Variants in GSG1L observed in about 807,000 individuals in gnomAD.
GSG1L encodes the protein GSG1 like, also known as germ cell-specific gene 1-like protein.
GSG1L carries 24 observed loss-of-function variants against 42.1 expected under a neutral mutation model. The observed-to-expected ratio is 0.57, with a 90% CI of 0.41 to 0.80. The LOEUF is 0.80. Ranked by LOEUF, GSG1L falls within the 30% of genes least tolerant of loss-of-function variation. The pLI, the probability that GSG1L is intolerant of heterozygous loss-of-function variation, is 0.00. For synonymous variants in GSG1L, 215 were observed against 203.5 expected (o/e 1.06, Z -0.48); for missense variants, 445 against 472.2 (o/e 0.94, Z 0.53).
rs140963546 is a variant in GSG1L, at chr16:27,933,596, C to T, written c.397+29560G>A. On this transcript the variant is annotated intron_variant, in intron 2 of 6. Transcript: ENST00000447459. ...TCCAGGAGTTCTAGGTTACAGTGAG[C>T]TATGATCATACTACTGCACTCCAGC... Among the ~76,000 whole-genome samples the T allele has an allele frequency of 9.8e-3, 1,342 of 136,638 alleles. 14 individuals carry two copies. The highest frequency in any genetic ancestry group is 0.016 in the Non-Finnish European group (1,065 of 65,904). The allele number at this position is 136,638 out of a possible 152,430, so 89.6% of individuals were successfully genotyped here. A position where few individuals can be genotyped will look rare whatever the true frequency, so the allele number is the denominator to read the frequency against.
In GSG1L at chr16:27,828,660, CT is replaced by C. The variant is rs1325494367; in HGVS notation, c.830+128del. 3 of 831,966 alleles carry C rather than the reference CT, an allele frequency of 3.6e-6. No homozygotes were observed. The Admixed American group carries it at 7.5e-5, about 21-fold the overall frequency. 51.5% of individuals were successfully genotyped at this position (831,966 alleles called of 1,614,324 possible). ...GCGTCCAAACTCTGCCTTCTTCTGC[CT>C]CCCCCCTCCATAACCCCTCTGTCAT... On this transcript the variant is annotated intron_variant, in intron 5 of 6. Transcript: ENST00000447459.
chr16:27,819,679 A>C (rs1007158278), intron 5 of GSG1L, among the ~76,000 whole-genome samples: 4 of 152,188 alleles, frequency 2.6e-5, no homozygotes, highest in African/African-American at 7.2e-5. Context: ...TGCTGCATGC[A>C]GGGCAAGGGG....
chr16:27,980,158 A>C (rs2085310086), intron 1 of GSG1L, among the ~76,000 whole-genome samples: 1 of 152,168 alleles, frequency 6.6e-6, no homozygotes, highest in South Asian at 2.1e-4. Context: ...GCAGATGCCC[A>C]ATGCTGGCAG....
chr16:27,858,483 C>T (rs1271563628), intron 3 of GSG1L, among the ~76,000 whole-genome samples: 2 of 152,198 alleles, frequency 1.3e-5, no homozygotes, highest in Non-Finnish European at 2.9e-5. Context: ...TTTTACCATT[C>T]CATCACAGTC....
intron 5 of GSG1L, among the ~76,000 whole-genome samples, chr16:27,825,071 C>T (rs892679667): frequency 6.6e-6 from 1 of 152,162 alleles, no homozygotes; most frequent in Non-Finnish European, 1.5e-5. Flanking sequence ...TGACCTACAC[C>T]GAGCAATCAC....
intron 1 of GSG1L, among the ~76,000 whole-genome samples, chr16:27,989,457 G>A (rs900081049): frequency 3.3e-5 from 5 of 151,802 alleles, no homozygotes; most frequent in East Asian, 1.9e-4. Flanking sequence ...AAAATTATAC[G>A]GACCAGGAGC....
At chr16:27,890,000 T>A (rs556911225) in intron 2 of GSG1L, among the ~76,000 whole-genome samples, 59 of 152,106 alleles carry the variant, frequency 3.9e-4, no homozygotes, top group Non-Finnish European at 4.0e-4. Context: ...AGTGGCATAG[T>A]CTAGATTCAA....
At chr16:27,828,718 G>T in intron 5 of GSG1L, 71 bp downstream of exon 5, 1 of 1,455,176 alleles carries the variant, frequency 6.9e-7, no homozygotes, top group Non-Finnish European at 9.4e-7. Flanking sequence ...CTGGGGCCCG[G>T]TGGCCACTGA....
At position 28,063,048 on chromosome 16, in the gene GSG1L, G is replaced by T; in HGVS notation, c.349+28C>A. ...GCGCCGCCCCGGGGGAGCCGGAGCC[G>T]AGCTGGCCGCCGCCCGCGCGCACTC... On this transcript the variant is annotated intron_variant, in intron 1 of 6. Transcript: ENST00000447459. This position sits in a 1 kb window ranked among gnomAD's most constrained non-coding sequence, Gnocchi z 5.8. The T allele has an allele frequency of 7.2e-7, 1 of 1,389,024 alleles. No individual in the cohort carries two copies. Among genetic ancestry groups the T allele is most frequent in the Non-Finnish European group, 9.4e-7 (1 of 1,065,370 alleles). 86.0% of individuals were successfully genotyped at this position (1,389,024 alleles called of 1,614,324 possible).
At chr16:27,924,227 A>C (rs2084565289) in intron 2 of GSG1L, among the ~76,000 whole-genome samples, 1 of 151,700 alleles carries the variant, frequency 6.6e-6, no homozygotes, top group African/African-American at 2.4e-5. Context: ...TTATATATTT[A>C]GATATACTGT....
intron 1 of GSG1L, among the ~76,000 whole-genome samples, chr16:28,049,471 C>T (rs192933715): frequency 6.6e-6 from 1 of 151,226 alleles, no homozygotes; most frequent in African/African-American, 2.4e-5. Context: ...ACTTGAGCCC[C>T]GAAGTTCAAG....
chr16:27,933,648 CAAAAAAAA>C (rs55936452), intron 2 of GSG1L, among the ~76,000 whole-genome samples: 1 of 94,680 alleles, frequency 1.1e-5, no homozygotes, highest in Non-Finnish European at 2.0e-5. Context: ...GACTTTGTCA[CAAAAAAAA>C]AAAAAAAAAA....
At chr16:27,928,718 T>A (rs1596620340) in intron 2 of GSG1L, among the ~76,000 whole-genome samples, 1 of 151,400 alleles carries the variant, frequency 6.6e-6, no homozygotes, top group Non-Finnish European at 1.5e-5. Flanking sequence ...GGAGAGGGAG[T>A]TTAACCTGTG....
At chr16:27,849,307 T>C (rs149484086) in intron 3 of GSG1L, among the ~76,000 whole-genome samples, 31 of 151,160 alleles carry the variant, frequency 2.1e-4, no homozygotes, top group African/African-American at 7.6e-4. Flanking sequence ...GAGCCCACAG[T>C]GCAGTTTGGC....
At chr16:27,965,939 G>T (rs2085127296) in intron 1 of GSG1L, among the ~76,000 whole-genome samples, 2 of 152,178 alleles carry the variant, frequency 1.3e-5, no homozygotes, top group African/African-American at 2.4e-5. Context: ...AAGACCCTCT[G>T]TGATCTGTCT....
intron 2 of GSG1L, among the ~76,000 whole-genome samples, chr16:27,934,725 G>A (rs557320001): frequency 1.3e-5 from 2 of 152,242 alleles, no homozygotes; most frequent in South Asian, 4.1e-4. Flanking sequence ...TCGCGGTTGT[G>A]CGAGGGTGTC....
chr16:27,947,599 A>AAGAAAGAAAGAAAGGG (rs1401836017), intron 2 of GSG1L, among the ~76,000 whole-genome samples: 2 of 85,994 alleles, frequency 2.3e-5, no homozygotes, highest in African/African-American at 1.0e-4. Flanking sequence ...GAAAGAAAGA[A>AAGAAAGAAAGAAAGGG]AAAGAAAGAA....
At chr16:27,965,719 T>C (rs1430893981) in intron 1 of GSG1L, among the ~76,000 whole-genome samples, 1 of 152,240 alleles carries the variant, frequency 6.6e-6, no homozygotes, top group African/African-American at 2.4e-5. Context: ...CAGCCACTTC[T>C]CGCCACCTCC....
intron 1 of GSG1L, among the ~76,000 whole-genome samples, chr16:28,012,661 G>T (rs1186591851): frequency 6.6e-6 from 1 of 152,018 alleles, no homozygotes; most frequent in African/African-American, 2.4e-5. Context: ...CAAGATAGAA[G>T]GATCACTCAA....
Sources: gnomAD v4.1 joint callset for allele counts (sites outside exome capture counted in the v4.1 genomes callset) on GRCh38, gnomAD v4.1.1 for gene constraint, Gnocchi (gnomAD v3.1) non-coding constraint, MANE v1.5 for transcripts, NCBI Gene and HGNC (gene_info 2026-07-23, HGNC 2026-07-21) for gene names.